STAM2: variants seen among roughly 807,000 people sequenced by gnomAD.
STAM2 encodes the protein signal transducing adaptor molecule 2.
In STAM2, 51 loss-of-function variants were observed where a neutral mutation model predicts 65.6. The ratio of observed to expected loss-of-function variants is 0.78; its 90% CI spans 0.62 to 0.98. The LOEUF (loss-of-function observed/expected upper bound fraction) is 0.98, where lower values mean the gene tolerates loss of function less well. Among genes scored for constraint, STAM2 ranks in the 50% least tolerant of loss-of-function variants. The probability of loss-of-function intolerance (pLI) is 0.00; values close to 1 mark genes in which losing one functional copy is unlikely to be tolerated. For missense variants in STAM2, 584 were observed against 617.8 expected, an observed-to-expected ratio of 0.95 and a Z score of 0.58; for synonymous variants, 198 against 208.4, an observed-to-expected ratio of 0.95 and a Z score of 0.43.
At chr2:152,152,607 G>A (rs1308027324) in intron 1 of STAM2, among the ~76,000 whole-genome samples, 1 of 152,100 alleles carries the variant, frequency 6.6e-6, no homozygotes, top group Non-Finnish European at 1.5e-5. Flanking sequence ...CTGATGCGAT[G>A]AACATTCATA....
At chr2:152,151,834 A>C (rs1486478420) in intron 1 of STAM2, among the ~76,000 whole-genome samples, 1 of 152,236 alleles carries the variant, frequency 6.6e-6, no homozygotes, top group Non-Finnish European at 1.5e-5. Context: ...ACGTTGTAGC[A>C]TGTACCAGTA....
intron 2 of STAM2, among the ~76,000 whole-genome samples, chr2:152,149,563 T>C (rs565279273): frequency 6.6e-6 from 1 of 150,472 alleles, no homozygotes; most frequent in East Asian, 2.0e-4. Context: ...AGTGGTGCCA[T>C]CTCGGCTCAC....
At chr2:152,136,544 C>T (rs1390279498) in intron 7 of STAM2, among the ~76,000 whole-genome samples, 6 of 152,168 alleles carry the variant, frequency 3.9e-5, no homozygotes, top group Non-Finnish European at 8.8e-5. Flanking sequence ...ACCACACTGC[C>T]ACAATAAAGT....
In STAM2 at chr2:152,126,378, TCCTGATGTAGAAGA is replaced by T. The variant is rs760676879; in HGVS notation, c.1026-13_1026del. On this transcript the variant is annotated splice_acceptor_variant and splice_polypyrimidine_tract_variant and coding_sequence_variant and intron_variant, in exon 12 of 14. Transcript: ENST00000263904. LOFTEE classifies it high-confidence loss of function. ...TTCAATTCAGACAATTCTGAATGCT[TCCTGATGTAGAAGA>T]AAAGTATTATAATACTCTTCTAGTT... 2.5e-5 allele frequency: 39 copies of T among 1,538,482 alleles called. No homozygotes were observed. The highest frequency in any genetic ancestry group is 8.7e-7 in the Non-Finnish European group (1 of 1,144,844).
chr2:152,148,179 AAC>A (rs779051519), intron 3 of STAM2, 44 bp downstream of exon 3: 11 of 1,593,934 alleles, frequency 6.9e-6, no homozygotes, highest in East Asian at 6.7e-5. Flanking sequence ...TGTAATTAAA[AAC>A]ACATTTAAAA....
intron 1 of STAM2, among the ~76,000 whole-genome samples, chr2:152,152,036 G>C (rs534030132): frequency 1.4e-4 from 22 of 152,136 alleles, no homozygotes; most frequent in African/African-American, 4.6e-4. Context: ...ATCTCCCGGG[G>C]CTCACGTGAT....
chr2:152,146,931 G>A (rs1689345623), intron 5 of STAM2, among the ~76,000 whole-genome samples: 1 of 152,120 alleles, frequency 6.6e-6, no homozygotes, highest in African/African-American at 2.4e-5. Flanking sequence ...TAGACTTAGA[G>A]GAACATTAAA....
chr2:152,147,322 G>A lies in STAM2; in HGVS notation c.301-14C>T, dbSNP rs1689353232. On this transcript the variant is annotated splice_polypyrimidine_tract_variant and intron_variant, in intron 4 of 13. Coordinates refer to ENST00000263904, the MANE Select transcript of STAM2 (RefSeq NM_005843.6). The stretch of plus-strand genomic sequence containing the variant: ...TTTAGGATGTGCCTTTTAAGGAAAA[G>A]GAAAGGAAAATAAACAAAAATCTAC... 3.3e-6 allele frequency: 5 copies of A among 1,516,202 alleles called. No individual in the cohort carries two copies. The South Asian group carries it at 6.8e-5, about 21-fold the overall frequency. The allele number at this position is 1,516,202 out of a possible 1,614,324, so 93.9% of individuals were successfully genotyped here.
intron 1 of STAM2, among the ~76,000 whole-genome samples, chr2:152,174,305 T>C (rs886920142): frequency 9.9e-5 from 15 of 152,212 alleles, no homozygotes; most frequent in African/African-American, 3.4e-4. Context: ...TTTTTAAAAG[T>C]ACAGGTTGCA....
At chr2:152,141,672 C>T (rs1164694773) in intron 7 of STAM2, among the ~76,000 whole-genome samples, 4 of 151,652 alleles carry the variant, frequency 2.6e-5, no homozygotes. Flanking sequence ...CTCACTGCAA[C>T]CTCCGCCTCC....
At chr2:152,159,658 G>A (rs1689622207) in intron 1 of STAM2, among the ~76,000 whole-genome samples, 1 of 152,044 alleles carries the variant, frequency 6.6e-6, no homozygotes, top group African/African-American at 2.4e-5. Context: ...TTTTCCCATT[G>A]GAAAAGTATG....
At chr2:152,159,108 T>TATATAC (rs1191937152) in intron 1 of STAM2, among the ~76,000 whole-genome samples, 1 of 136,048 alleles carries the variant, frequency 7.4e-6, no homozygotes, top group Non-Finnish European at 1.6e-5. Context: ...TATATATATA[T>TATATAC]ATACACACAC....
At chr2:152,138,852 A>G (rs1689199343) in intron 7 of STAM2, among the ~76,000 whole-genome samples, 1 of 152,250 alleles carries the variant, frequency 6.6e-6, no homozygotes, top group Non-Finnish European at 1.5e-5. Flanking sequence ...AAATTTTTGT[A>G]TAAAACGAGA....
intron 1 of STAM2, among the ~76,000 whole-genome samples, chr2:152,157,148 C>T (rs180818989): frequency 2.0e-5 from 3 of 152,030 alleles, no homozygotes; most frequent in African/African-American, 7.2e-5. Context: ...CCAAGAAGAG[C>T]GAGAGATGGC....
rs555290444 is a variant in STAM2 at position 152,152,291 on chromosome 2, C to T, written c.41-2062G>A. Reference sequence around the variant, plus strand: ...TTGGGCCAGGAGCGGTGGCTCACACCTGTAATCCAGCACTTTGGGAGGCCG... The same window carrying T: ...TTGGGCCAGGAGCGGTGGCTCACACTTGTAATCCAGCACTTTGGGAGGCCG... On this transcript the variant is annotated intron_variant, in intron 1 of 13. Coordinates refer to ENST00000263904, the MANE Select transcript of STAM2 (RefSeq NM_005843.6). Among the ~76,000 whole-genome samples, 52 of 152,048 alleles carry T rather than the reference C, an allele frequency of 3.4e-4. 1 individual carries two copies. Among genetic ancestry groups the T allele is most frequent in the Middle Eastern group, 6.8e-3 (2 of 294 alleles).
chr2:152,148,216 T>G lies in STAM2; in HGVS notation c.201+9A>C, dbSNP rs988160999. 3 of 1,607,976 alleles carry G rather than the reference T, an allele frequency of 1.9e-6. No individual in the cohort carries two copies. The African/African-American group carries it at 4.0e-5, about 21-fold the overall frequency. On this transcript the variant is annotated intron_variant, in intron 3 of 13. Coordinates refer to ENST00000263904, the MANE Select transcript of STAM2 (RefSeq NM_005843.6). ...ATTTGCGTCAAATAATAACATGCCTTGTACTCACAGTTAGTGCTTGCAGAG... is the reference window on the plus strand; with the variant it reads ...ATTTGCGTCAAATAATAACATGCCTGGTACTCACAGTTAGTGCTTGCAGAG...
Position 152,117,922 on chromosome 2 carries a change from C to T in STAM2, c.*2652G>A, listed in dbSNP as rs1688778051. ...TTTCAAATCCTAACAAATATAATTACCTAATGTTTAAGTAATTTTATAAAT... is the reference window on the plus strand; with the variant it reads ...TTTCAAATCCTAACAAATATAATTATCTAATGTTTAAGTAATTTTATAAAT... On this transcript the variant is annotated 3_prime_UTR_variant, in exon 14 of 14. Transcript: ENST00000263904. 1 of 151,968 alleles carries T rather than the reference C, an allele frequency of 6.6e-6. No individual in the cohort carries two copies. The allele number at this position is 151,968 out of a possible 1,614,324, so 9.4% of individuals were successfully genotyped here. A position where few individuals can be genotyped will look rare whatever the true frequency, so the allele number is the denominator to read the frequency against.
At chr2:152,159,504 T>C (rs1439698303) in intron 1 of STAM2, among the ~76,000 whole-genome samples, 1 of 152,182 alleles carries the variant, frequency 6.6e-6, no homozygotes, top group Non-Finnish European at 1.5e-5. Flanking sequence ...AGCCACTTTT[T>C]TTCTAGTCTA....
Position 152,120,690 on chromosome 2 carries a change from A to G in STAM2, c.1462T>C (p.Ser488Pro). 1.2e-6 allele frequency: 2 copies of G among 1,614,182 alleles called. No homozygotes were observed. Among genetic ancestry groups the G allele is most frequent in the Non-Finnish European group, 1.7e-6 (2 of 1,180,032 alleles). The stretch of plus-strand genomic sequence containing the variant: ...TTGGAAGTAGTGTTCTGATAAGATG[A>G]CATATCCACAGACATCCCCATTTGC... ...TQQMGMSVDMSSYQNTTSNLP... is the reference protein window; with the variant it reads ...TQQMGMSVDMPSYQNTTSNLP... The change falls in exon 14 of 14, where the codon TCA becomes CCA. Residue 488 changes from serine (S) to proline (P), a missense_variant. Coordinates refer to ENST00000263904, the MANE Select transcript of STAM2 (RefSeq NM_005843.6).
Sources: allele counts gnomAD v4.1 joint callset (sites outside exome capture counted in the v4.1 genomes callset), GRCh38; gene constraint gnomAD v4.1.1; transcripts MANE v1.5; gene names NCBI Gene and HGNC (gene_info 2026-07-23, HGNC 2026-07-21).